Variants in CCNF observed in about 807,000 individuals in gnomAD.
The protein encoded by CCNF is cyclin F.
In CCNF, 30 loss-of-function variants were observed where a neutral mutation model predicts 85.4. That is an observed-to-expected ratio of 0.35 (90% CI 0.26 to 0.48). The LOEUF (loss-of-function observed/expected upper bound fraction) is 0.48, where lower values mean the gene tolerates loss of function less well. CCNF is among the 20% of genes least tolerant of loss of function. The pLI, the probability that CCNF is intolerant of heterozygous loss-of-function variation, is 0.99. For synonymous variants in CCNF, 439 were observed against 425.1 expected (o/e 1.03, Z -0.40); for missense variants, 919 against 1,010.4 (o/e 0.91, Z 1.23).
chr16:2,439,669 G>C, intron 7 of CCNF, 80 bp from the exon 8 acceptor site: 1 of 1,196,874 alleles, frequency 8.4e-7, no homozygotes, highest in Non-Finnish European at 1.2e-6. Flanking sequence ...AGTTAGCGTA[G>C]TGTCGGCCCT....
In CCNF at chr16:2,455,503, C is replaced by T. The variant is rs1434235211; in HGVS notation, c.1824C>T (p.Ser608=). The change falls in exon 16 of 17, where the codon AGC becomes AGT. Residue 608 remains serine, a synonymous_variant. Coordinates refer to ENST00000397066, the MANE Select transcript of CCNF (RefSeq NM_001761.3). ...TGCTGGGCAGCTTCCTCGACTGGAG[C>T]CTGGACTGCTGCTCTGGCTATGAAG... ...ETLLGSFLDW[S]LDCCSGYEGD... is the part of the protein sequence containing the mutation. The T allele has an allele frequency of 1.2e-6, 2 of 1,606,978 alleles. No individual in the cohort carries two copies. The highest frequency in any genetic ancestry group is 1.7e-6 in the Non-Finnish European group (2 of 1,174,456).
Position 2,456,922 on chromosome 16 carries a change from C to T in CCNF, c.2263C>T (p.Pro755Ser). The T allele has an allele frequency of 5.0e-6, 8 of 1,614,138 alleles. No homozygotes were observed. The highest frequency in any genetic ancestry group is 1.1e-5 in the South Asian group (1 of 91,080). Residue 755 changes from proline (P) to serine (S), a missense_variant, in exon 17 of 17, where the codon CCC becomes TCC. By Grantham distance (74) the Pro-to-Ser change is moderately conservative (BLOSUM62 -1). Around this residue, in one of 3 missense-constraint regions of CCNF, gnomAD observed 505 missense variants for 514.8 expected, o/e 0.98. Transcript: ENST00000397066. This position sits in a 1 kb window ranked among gnomAD's most constrained non-coding sequence, Gnocchi z 4.5. ...ATGTTTACAGTGTCGTCCCCCAAGT[C>T]CCCCGGAGAGCAGTGTTCCCCAGCA... ...KSCLQCRPPS[P>S]PESSVPQQQV...
intron 10 of CCNF, among the ~76,000 whole-genome samples, chr16:2,447,399 A>G (rs1304127709): frequency 6.6e-6 from 1 of 151,872 alleles, no homozygotes; most frequent in African/African-American, 2.4e-5. Context: ...CCTGGCCAAC[A>G]TGGTGAAACC....
chr16:2,440,171 A>G (rs1291610973), intron 8 of CCNF, among the ~76,000 whole-genome samples: 1 of 152,170 alleles, frequency 6.6e-6, no homozygotes, highest in Non-Finnish European at 1.5e-5. Flanking sequence ...TGACAACAAA[A>G]CTTGAGGCTA....
rs1046587058 is a variant in CCNF at position 2,453,008 on chromosome 16, A to C, written c.1488-202A>C. On this transcript the variant is annotated intron_variant, in intron 13 of 16. Coordinates refer to ENST00000397066, the MANE Select transcript of CCNF (RefSeq NM_001761.3). The surrounding 1 kb of genome is among the most constrained non-coding windows in gnomAD (Gnocchi z 5.6). ...CTAGTACAGGTTTCTGTGTGGACAT[A>C]GTTTTTCCTTTTTCCTGGGTCTTTA... 1.3e-4 allele frequency: 76 copies of C among 601,096 alleles called. No homozygotes were observed. Among genetic ancestry groups the C allele is most frequent in the Admixed American group, 2.9e-4 (10 of 35,004 alleles). 37.2% of individuals were successfully genotyped at this position (601,096 alleles called of 1,614,324 possible). A position where few individuals can be genotyped will look rare whatever the true frequency, so the allele number is the denominator to read the frequency against.
chr16:2,442,786 TATATTATATTCTATAATATATAA>T (rs2065336460), intron 8 of CCNF, among the ~76,000 whole-genome samples: 1 of 6,240 alleles, frequency 1.6e-4, no homozygotes, highest in Non-Finnish European at 2.0e-4. Flanking sequence ...TATAATATTA[TATATTATATTCTATAATATATAA>T]TATATTCTAT....
At chr16:2,429,633 G>A in intron 1 of CCNF, 136 bp downstream of exon 1, 4 of 929,202 alleles carry the variant, frequency 4.3e-6, no homozygotes, top group South Asian at 5.3e-5. Flanking sequence ...AACCCGGGGC[G>A]GATGTCGCGT....
chr16:2,432,884 C>T (rs1266650732), intron 2 of CCNF, 77 bp from the exon 3 acceptor site: 8 of 797,994 alleles, frequency 1.0e-5, no homozygotes, highest in African/African-American at 3.4e-5. Context: ...ATCTGCCTCT[C>T]GTCCTCAAGA....
At chr16:2,447,333 C>A (rs2141825747) in intron 10 of CCNF, among the ~76,000 whole-genome samples, 1 of 151,466 alleles carries the variant, frequency 6.6e-6, no homozygotes, top group East Asian at 1.9e-4. Context: ...GCCTGTAATC[C>A]CAGCACTTTG....
intron 2 of CCNF, 68 bp downstream of exon 2, chr16:2,431,352 T>C (rs1049813259): frequency 2.2e-5 from 33 of 1,524,176 alleles, no homozygotes; most frequent in Admixed American, 9.2e-5. Flanking sequence ...CTTGTGTTCT[T>C]AACTGTCAGA....
chr16:2,442,410 A>G (rs1432086447), intron 8 of CCNF, among the ~76,000 whole-genome samples: 11 of 83,406 alleles, frequency 1.3e-4, no homozygotes, highest in African/African-American at 6.2e-4. Flanking sequence ...ATAATATATA[A>G]TATTATATAA....
rs756199019 is a variant in CCNF at position 2,457,060 on chromosome 16, G to A, written c.*40G>A. 5 of 1,449,174 alleles carry A rather than the reference G, an allele frequency of 3.5e-6. No homozygotes were observed. The East Asian group carries it at 9.4e-5, about 27-fold the overall frequency. 89.8% of individuals were successfully genotyped at this position (1,449,174 alleles called of 1,614,324 possible). A position where few individuals can be genotyped will look rare whatever the true frequency, so the allele number is the denominator to read the frequency against. ...TTGCCGCAGTGGATGTGTACTGAGG[G>A]GGCTGGAGGCGAAGGGTGGGAGCAT... is the stretch of plus-strand genomic sequence containing the variant. On this transcript the variant is annotated 3_prime_UTR_variant, in exon 17 of 17. Coordinates refer to ENST00000397066, the MANE Select transcript of CCNF (RefSeq NM_001761.3).
In CCNF at chr16:2,431,195, C is replaced by A; in HGVS notation, c.82C>A (p.Arg28=). ...AAAGCGAAGAATAAGGAGGAGGCCC[C>A]GAAACCTGACCATCTTGAGTCTCCC... is the stretch of plus-strand genomic sequence containing the variant. ...PTKRRIRRRP[R]NLTILSLPED... Residue 28 remains arginine, a synonymous_variant, in exon 2 of 17, where the codon CGA becomes AGA. Coordinates refer to ENST00000397066, the MANE Select transcript of CCNF (RefSeq NM_001761.3). 6.2e-7 allele frequency: 1 copy of A among 1,614,074 alleles called. No individual in the cohort carries two copies. Among genetic ancestry groups the A allele is most frequent in the Non-Finnish European group, 8.5e-7 (1 of 1,179,994 alleles).
intron 10 of CCNF, 86 bp from the exon 11 acceptor site, chr16:2,448,769 G>T (rs2065375453): frequency 1.6e-6 from 2 of 1,243,728 alleles, no homozygotes; most frequent in Admixed American, 2.1e-5. Flanking sequence ...TCCCTACCTT[G>T]AGGCCTCCTA....
chr16:2,448,500 G>A (rs1326779200), intron 10 of CCNF, among the ~76,000 whole-genome samples: 1 of 152,174 alleles, frequency 6.6e-6, no homozygotes, highest in East Asian at 1.9e-4. Flanking sequence ...TCAACTTCCT[G>A]GGCTTAAGCA....
rs1236801788 is a variant in CCNF at position 2,433,041 on chromosome 16, T to G, written c.252T>G (p.Ser84=). The change falls in exon 3 of 17, where the codon TCT becomes TCG. Residue 84 remains serine (S), a synonymous_variant. Transcript: ENST00000397066. ...ACASFQELWP[S]PGNLKLFERA... is the part of the protein sequence containing the mutation. Reference sequence around the variant, plus strand: ...CCAGCTTCCAGGAGCTGTGGCCGTCTCCAGGGAACCTGAAGCTCTTTGAAA... The same window carrying G: ...CCAGCTTCCAGGAGCTGTGGCCGTCGCCAGGGAACCTGAAGCTCTTTGAAA... 1 of 1,610,468 alleles carries G rather than the reference T, an allele frequency of 6.2e-7. No individual in the cohort carries two copies. Among genetic ancestry groups the G allele is most frequent in the Non-Finnish European group, 8.5e-7 (1 of 1,177,376 alleles).
chr16:2,448,433 G>A (rs1047554025), intron 10 of CCNF, among the ~76,000 whole-genome samples: 1 of 152,022 alleles, frequency 6.6e-6, no homozygotes, highest in African/African-American at 2.4e-5. Flanking sequence ...TTGAGACAGT[G>A]TCTTGCTCTG....
intron 4 of CCNF, chr16:2,436,885 T>C: frequency 3.0e-6 from 1 of 336,386 alleles, no homozygotes. Context: ...ACCTTCAGAA[T>C]CCAGGCTTCC....
intron 15 of CCNF, among the ~76,000 whole-genome samples, chr16:2,454,943 C>T (rs1197276752): frequency 6.6e-6 from 1 of 151,838 alleles, no homozygotes; most frequent in Non-Finnish European, 1.5e-5. Context: ...ACCTGTAGTC[C>T]CAGCTACTCA....
Sources: gnomAD v4.1 joint callset for allele counts (sites outside exome capture counted in the v4.1 genomes callset) on GRCh38, gnomAD v4.1.1 for gene constraint, gnomAD v4.1.1 regional missense constraint, Gnocchi (gnomAD v3.1) non-coding constraint, MANE v1.5 for transcripts, NCBI Gene and HGNC (gene_info 2026-07-23, HGNC 2026-07-21) for gene names.